The following ZBTB7C variants were observed in gnomAD, a reference collection of about 807,000 sequenced individuals.
The protein encoded by ZBTB7C is zinc finger and BTB domain-containing protein 7C.
In ZBTB7C, 8 loss-of-function variants were observed where a neutral mutation model predicts 25.7. The ratio of observed to expected loss-of-function variants is 0.31; its 90% confidence interval spans 0.18 to 0.56. The LOEUF is 0.56. Ranked by LOEUF, ZBTB7C falls within the 20% of genes least tolerant of loss-of-function variation. The pLI, the probability that ZBTB7C is intolerant of heterozygous loss-of-function variation, is 0.91. For missense variants in ZBTB7C, 824 were observed against 855.2 expected, an observed-to-expected ratio of 0.96 and a Z score of 0.46; for synonymous variants, 394 against 369.0, an observed-to-expected ratio of 1.07 and a Z score of -0.78.
chr18:48,323,526 C>T (rs1294740519), intron 2 of ZBTB7C, among the ~76,000 whole-genome samples: 2 of 152,200 alleles, frequency 1.3e-5, no homozygotes, highest in Non-Finnish European at 1.5e-5. Flanking sequence ...TGTACTCCCT[C>T]CCTTAAAGCT....
chr18:48,093,253 G>A (rs538746596), intron 3 of ZBTB7C, among the ~76,000 whole-genome samples: 1 of 152,306 alleles, frequency 6.6e-6, no homozygotes, highest in East Asian at 1.9e-4. Flanking sequence ...GAAGATACCC[G>A]GTTTCTCCCT....
At chr18:48,142,688 G>A (rs1404002490) in intron 3 of ZBTB7C, among the ~76,000 whole-genome samples, 3 of 152,256 alleles carry the variant, frequency 2.0e-5, no homozygotes, top group East Asian at 3.9e-4. Flanking sequence ...CTGTCACCAT[G>A]GATCCCAGAG....
chr18:48,029,510 G>T lies in ZBTB7C; in HGVS notation c.1610C>A (p.Ala537Glu), dbSNP rs766418082. ...GPSPAKHFLAAPKGALSLQEL... is the reference protein window; with the variant it reads ...GPSPAKHFLAEPKGALSLQEL... ...TTGCAGGCTCAGGGCGCCCTTGGGC[G>T]CTGCCAGGAAGTGCTTGGCGGGGCT... The change falls in exon 5 of 5, where the codon GCG becomes GAG. Residue 537 changes from alanine to glutamate, a missense_variant. Transcript: ENST00000590800. The T allele has an allele frequency of 5.7e-6, 9 of 1,587,610 alleles. No homozygotes were observed. The highest frequency in any genetic ancestry group is 7.7e-6 in the Non-Finnish European group (9 of 1,173,554).
At chr18:48,107,275 A>G (rs2039066364) in intron 3 of ZBTB7C, among the ~76,000 whole-genome samples, 1 of 150,522 alleles carries the variant, frequency 6.6e-6, no homozygotes, top group Non-Finnish European at 1.5e-5. Flanking sequence ...GGCGGAGAGC[A>G]GGGGTAGAGG....
At chr18:48,287,722 A>AT (rs1362331773) in intron 2 of ZBTB7C, among the ~76,000 whole-genome samples, 4 of 152,214 alleles carry the variant, frequency 2.6e-5, no homozygotes, top group Admixed American at 6.5e-5. Flanking sequence ...ATCAGGTTGA[A>AT]TTTTTCTATG....
At chr18:48,057,083 CA>C (rs2036948408) in intron 3 of ZBTB7C, among the ~76,000 whole-genome samples, 1 of 123,028 alleles carries the variant, frequency 8.1e-6, no homozygotes, top group South Asian at 2.5e-4. Flanking sequence ...AACCCATGAA[CA>C]GGAAGATCAT....
intron 2 of ZBTB7C, among the ~76,000 whole-genome samples, chr18:48,215,280 C>CA (rs2042796513): frequency 6.6e-6 from 1 of 151,992 alleles, no homozygotes; most frequent in African/African-American, 2.4e-5. Context: ...CAGTGTTGAC[C>CA]AAAAAAGCCA....
At chr18:48,292,519 C>A (rs1030310079) in intron 2 of ZBTB7C, among the ~76,000 whole-genome samples, 11 of 152,098 alleles carry the variant, frequency 7.2e-5, no homozygotes, top group Non-Finnish European at 1.5e-4. Flanking sequence ...CCTGGAGAGG[C>A]CAGAAGCAGC....
At chr18:48,363,790 G>A (rs2047164686) in intron 1 of ZBTB7C, among the ~76,000 whole-genome samples, 1 of 152,000 alleles carries the variant, frequency 6.6e-6, no homozygotes, top group Admixed American at 6.5e-5. Context: ...CTCACTGGTA[G>A]GGCAACCTGC....
intron 3 of ZBTB7C, among the ~76,000 whole-genome samples, chr18:48,128,138 G>A (rs930053011): frequency 2.6e-5 from 4 of 152,210 alleles, no homozygotes; most frequent in African/African-American, 9.7e-5. Context: ...GGGCTGTCCA[G>A]TTCAGCTTGA....
chr18:48,120,349 G>C (rs1345622691), intron 3 of ZBTB7C, among the ~76,000 whole-genome samples: 1 of 152,190 alleles, frequency 6.6e-6, no homozygotes, highest in Non-Finnish European at 1.5e-5. Context: ...GTAATGGCTA[G>C]GCACGGTGGC....
intron 3 of ZBTB7C, among the ~76,000 whole-genome samples, chr18:48,138,208 A>T (rs569997480): frequency 6.6e-6 from 1 of 152,378 alleles, no homozygotes; most frequent in East Asian, 1.9e-4. Flanking sequence ...TCCTGAAACC[A>T]GAAGTAAATC....
At chr18:48,143,928 G>A (rs55897801) in intron 3 of ZBTB7C, among the ~76,000 whole-genome samples, 27,344 of 152,104 alleles carry the variant, frequency 0.18, 3,082 homozygotes, top group South Asian at 0.27. Context: ...ATTGCAGTCC[G>A]GCCCAACTCT....
At chr18:48,252,578 C>A (rs1350885169) in intron 2 of ZBTB7C, 1 of 152,262 alleles carries the variant, frequency 6.6e-6, no homozygotes, top group South Asian at 2.1e-4. Context: ...CTGCCTCTTC[C>A]CGTCAGGTCC....
intron 2 of ZBTB7C, among the ~76,000 whole-genome samples, chr18:48,233,697 G>A (rs539865165): frequency 7.9e-5 from 12 of 152,352 alleles, no homozygotes; most frequent in Admixed American, 7.2e-4. Flanking sequence ...TGCATGTTGA[G>A]AGCCATGTTG....
chr18:48,337,204 T>C (rs1283325448), intron 2 of ZBTB7C, among the ~76,000 whole-genome samples: 1 of 152,150 alleles, frequency 6.6e-6, no homozygotes, highest in Non-Finnish European at 1.5e-5. Context: ...GAAAAGGAAT[T>C]TACCACACCC....
At chr18:48,242,093 C>T (rs112252600) in intron 2 of ZBTB7C, among the ~76,000 whole-genome samples, 8,908 of 152,016 alleles carry the variant, frequency 0.059, 414 homozygotes, top group East Asian at 0.18. Flanking sequence ...AACTAGAAAA[C>T]CTAGAGGAAA....
Position 48,180,061 on chromosome 18 carries a change from G to A in ZBTB7C, c.-17+5873C>T, listed in dbSNP as rs557175064. 1.5e-3 allele frequency among the ~76,000 whole-genome samples: 129 copies of A among 85,742 alleles called. No homozygotes were observed. In the South Asian group the frequency reaches 0.047, roughly 31 times the overall value. 56.3% of individuals were successfully genotyped at this position (85,742 alleles called of 152,430 possible). A position where few individuals can be genotyped will look rare whatever the true frequency, so the allele number is the denominator to read the frequency against. Reference sequence around the variant, plus strand: ...CCTGCTTCCTTCCTTCCCTCCCTCCGTACCTTCCTTGCAAGGAAGATATTT... The same window carrying A: ...CCTGCTTCCTTCCTTCCCTCCCTCCATACCTTCCTTGCAAGGAAGATATTT... On this transcript the variant is annotated intron_variant, in intron 3 of 4. Transcript: ENST00000590800.
At chr18:48,273,191 G>C (rs1311355669) in intron 2 of ZBTB7C, among the ~76,000 whole-genome samples, 1 of 152,082 alleles carries the variant, frequency 6.6e-6, no homozygotes, top group African/African-American at 2.4e-5. Context: ...ATCAAGGTTT[G>C]TTGTCATACT....
Sources: allele counts gnomAD v4.1 joint callset (sites outside exome capture counted in the v4.1 genomes callset), GRCh38; gene constraint gnomAD v4.1.1; transcripts MANE v1.5; gene names NCBI Gene and HGNC (gene_info 2026-07-23, HGNC 2026-07-21).